NUP98: variants seen among roughly 807,000 people sequenced by gnomAD.
NUP98 encodes the protein nucleoporin 98 and 96 precursor.
NUP98 carries 26 observed loss-of-function variants against 191.9 expected under a neutral mutation model. The ratio of observed to expected loss-of-function variants is 0.14; its 90% CI spans 0.10 to 0.19. NUP98 has a LOEUF of 0.19. NUP98 is among the 10% of genes least tolerant of loss of function. NUP98 has a pLI of 1.00. For missense variants in NUP98, 1,941 were observed against 2,178.8 expected (o/e 0.89, Z 2.17); for synonymous variants, 808 against 778.4 (o/e 1.04, Z -0.63).
At chr11:3,697,456 G>C (rs1340564915) in intron 25 of NUP98, among the ~76,000 whole-genome samples, 1 of 152,100 alleles carries the variant, frequency 6.6e-6, no homozygotes, top group Non-Finnish European at 1.5e-5. Flanking sequence ...CAACAATCAA[G>C]GTTTGAATAA....
intron 19 of NUP98, 37 bp from the exon 20 acceptor site, chr11:3,712,765 A>G (rs762582379): frequency 1.9e-6 from 3 of 1,596,470 alleles, no homozygotes; most frequent in South Asian, 1.1e-5. Context: ...CAACTTAAAC[A>G]TTATGCTTTC....
At chr11:3,750,583 C>A (rs772473140) in intron 11 of NUP98, among the ~76,000 whole-genome samples, 11 of 152,042 alleles carry the variant, frequency 7.2e-5, no homozygotes, top group Non-Finnish European at 1.5e-4. Context: ...ACAACTGAGA[C>A]AAAGTTTCAT....
In NUP98 at chr11:3,683,270, C is replaced by G; in HGVS notation, c.4848G>C (p.Glu1616Asp). The G allele has an allele frequency of 6.2e-7, 1 of 1,614,118 alleles. No individual in the cohort carries two copies. Among genetic ancestry groups the G allele is most frequent in the South Asian group, 1.1e-5 (1 of 91,086 alleles). Residue 1616 changes from glutamate (E) to aspartate (D), a missense_variant, in exon 30 of 33, where the codon GAG becomes GAC. This residue lies in a region of NUP98 where 1,030 missense variants were observed against 1,115.8 expected (regional missense o/e 0.92). Coordinates refer to ENST00000324932, the MANE Select transcript of NUP98 (RefSeq NM_016320.5). ...RAHMESDKHL[E>D]ALCLFKAEHW... ...GCTCAGCCTTAAATAAGCAAAGGGCCTCTAAGTGCTTGTCAGATTCCATGT... is the reference window on the plus strand; with the variant it reads ...GCTCAGCCTTAAATAAGCAAAGGGCGTCTAAGTGCTTGTCAGATTCCATGT...
chr11:3,748,685 C>T (rs947383841), intron 11 of NUP98, among the ~76,000 whole-genome samples: 3 of 151,916 alleles, frequency 2.0e-5, no homozygotes, highest in Non-Finnish European at 2.9e-5. Context: ...AAAAGCCTTC[C>T]TTAATTTGAA....
intron 14 of NUP98, among the ~76,000 whole-genome samples, chr11:3,728,044 A>G (rs1391054907): frequency 6.6e-6 from 1 of 152,112 alleles, no homozygotes; most frequent in Non-Finnish European, 1.5e-5. Flanking sequence ...TAAACCAAAA[A>G]TAGTGTCGCA....
At position 3,744,585 on chromosome 11, in the gene NUP98, A is replaced by G; in HGVS notation, c.1332T>C (p.Gly444=). ...NNQPKIGGPL[G]TGAFGAPGFN... ...ATCCAGGGGCCCCAAAGGCTCCTGT[A>G]CCAAGAGGCCCTCCAATCTTAGGTT... Residue 444 remains glycine (G), a synonymous_variant, in exon 12 of 33, where the codon GGT becomes GGC. Transcript: ENST00000324932. The G allele has an allele frequency of 1.2e-5, 20 of 1,613,814 alleles. No homozygotes were observed. The highest frequency in any genetic ancestry group is 1.5e-5 in the Non-Finnish European group (18 of 1,179,758).
chr11:3,727,879 C>T (rs1284150057), intron 14 of NUP98, among the ~76,000 whole-genome samples: 1 of 151,872 alleles, frequency 6.6e-6, no homozygotes, highest in Non-Finnish European at 1.5e-5. Flanking sequence ...AAAAATTAGC[C>T]AGGTGTGGTG....
In NUP98 at chr11:3,702,895, G is replaced by A. The variant is rs1163004916; in HGVS notation, c.3083-3C>T. The A allele has an allele frequency of 2.2e-5, 35 of 1,597,416 alleles. No individual in the cohort carries two copies. Among genetic ancestry groups the A allele is most frequent in the Non-Finnish European group, 2.8e-5 (33 of 1,169,794 alleles). On this transcript the variant is annotated splice_region_variant and splice_polypyrimidine_tract_variant and intron_variant, in intron 22 of 32. Transcript: ENST00000324932. ...TTTTGATTGTAGTAACCCACCAACT[G>A]AAATGAAGCGGGAATGAAGGGGAGA... is the stretch of plus-strand genomic sequence containing the variant.
intron 1 of NUP98, among the ~76,000 whole-genome samples, chr11:3,789,360 C>A (rs1256826946): frequency 6.6e-6 from 1 of 152,124 alleles, no homozygotes; most frequent in East Asian, 1.9e-4. Flanking sequence ...AGCACCACTG[C>A]AAACAAAAAC....
intron 14 of NUP98, among the ~76,000 whole-genome samples, chr11:3,726,211 T>TAA (rs970588985): frequency 1.4e-5 from 2 of 146,028 alleles, no homozygotes; most frequent in African/African-American, 5.1e-5. Flanking sequence ...AACAAAAACA[T>TAA]AAAAAAAAAG....
At chr11:3,718,708 A>G (rs958186554) in intron 18 of NUP98, among the ~76,000 whole-genome samples, 1 of 152,166 alleles carries the variant, frequency 6.6e-6, no homozygotes, top group African/African-American at 2.4e-5. Context: ...TCACTTGACT[A>G]AGATATTAGA....
At chr11:3,744,461 G>C in intron 12 of NUP98, 48 bp downstream of exon 12, 1 of 1,564,278 alleles carries the variant, frequency 6.4e-7, no homozygotes, top group Non-Finnish European at 8.6e-7. Context: ...AGGTCAGCAA[G>C]TATTAGCAAA....
chr11:3,791,777 G>C (rs988015588), intron 1 of NUP98, among the ~76,000 whole-genome samples: 47 of 150,554 alleles, frequency 3.1e-4, no homozygotes, highest in Non-Finnish European at 5.5e-4. Context: ...CAGGAGGCGA[G>C]GTTACAGTGA....
chr11:3,707,384 C>G (rs1564826994), intron 20 of NUP98, among the ~76,000 whole-genome samples: 2 of 152,024 alleles, frequency 1.3e-5, no homozygotes, highest in African/African-American at 4.8e-5. Context: ...TGGTACAGTA[C>G]AAATTCAATT....
intron 10 of NUP98, chr11:3,760,160 C>T (rs1350697183): frequency 6.2e-5 from 12 of 192,106 alleles, no homozygotes; most frequent in Non-Finnish European, 9.5e-5. Context: ...AAACCAACAA[C>T]GACAAAAATA....
In NUP98 at chr11:3,744,506, T is replaced by C. The variant is rs1330453962; in HGVS notation, c.1408+3A>G. ...AAAGCCTTCTAAAGTGACTGACACT[T>C]ACCTACTGGGGCCTGGGGGGCTCCA... On this transcript the variant is annotated splice_donor_region_variant and intron_variant, in intron 12 of 32. Coordinates refer to ENST00000324932, the MANE Select transcript of NUP98 (RefSeq NM_016320.5). 6.3e-7 allele frequency: 1 copy of C among 1,598,764 alleles called. No individual in the cohort carries two copies.
chr11:3,746,294 A>AAACAAAAAG (rs144936005), intron 11 of NUP98, among the ~76,000 whole-genome samples: 1 of 93,086 alleles, frequency 1.1e-5, no homozygotes, highest in African/African-American at 5.0e-5. Context: ...AAAAAAAAAA[A>AAACAAAAAG]GACAGCTTTG....
chr11:3,755,261 G>C lies in NUP98; in HGVS notation c.1175-1853C>G, dbSNP rs111871461. 4.0e-3 allele frequency among the ~76,000 whole-genome samples: 597 copies of C among 150,002 alleles called. 2 individuals are homozygous for C. The highest frequency in any genetic ancestry group is 0.014 in the African/African-American group (578 of 40,862). ...ACTTGAGGAAAGGAGTTTAAGACTA[G>C]CCTGGCCAACATGTGAAACCTCTTC... On this transcript the variant is annotated intron_variant, in intron 10 of 32. Transcript: ENST00000324932.
chr11:3,705,759 T>G (rs924778698), intron 21 of NUP98, among the ~76,000 whole-genome samples: 1 of 152,144 alleles, frequency 6.6e-6, no homozygotes, highest in Admixed American at 6.6e-5. Flanking sequence ...ATACAGAGTC[T>G]TAAAAGTACC....
Sources: gnomAD v4.1 joint callset for allele counts (sites outside exome capture counted in the v4.1 genomes callset) on GRCh38, gnomAD v4.1.1 for gene constraint, gnomAD v4.1.1 regional missense constraint, MANE v1.5 for transcripts, NCBI Gene and HGNC (gene_info 2026-07-23, HGNC 2026-07-21) for gene names.